The following BCL2L1 variants were observed in gnomAD, a reference collection of about 807,000 sequenced individuals.
BCL2L1 encodes bcl-2-like protein 1.
A neutral mutation model predicts 18.7 loss-of-function variants in BCL2L1; 1 was observed. The ratio of observed to expected loss-of-function variants is 0.05; its 90% CI spans 0.02 to 0.25. BCL2L1 has a LOEUF of 0.25. Ranked by LOEUF, BCL2L1 falls within the 10% of genes least tolerant of loss-of-function variation. The pLI is 1.00. For missense variants in BCL2L1, 207 were observed against 304.9 expected (o/e 0.68, Z 2.39); for synonymous variants, 103 against 122.7 (o/e 0.84, Z 1.06).
At chr20:31,686,524 AC>A (rs2060957830) in intron 2 of BCL2L1, 1 of 152,220 alleles carries the variant, frequency 6.6e-6, no homozygotes, top group Non-Finnish European at 1.5e-5. Flanking sequence ...GGGTTTCACC[AC>A]ATTTGCAAAG....
chr20:31,681,440 A>G (rs1002828400), intron 2 of BCL2L1, among the ~76,000 whole-genome samples: 1 of 152,152 alleles, frequency 6.6e-6, no homozygotes, highest in Non-Finnish European at 1.5e-5. Context: ...TTGAGTCCAA[A>G]AGTTTCAGAC....
intron 2 of BCL2L1, among the ~76,000 whole-genome samples, chr20:31,706,110 G>C (rs1039470682): frequency 6.6e-6 from 1 of 152,166 alleles, no homozygotes; most frequent in African/African-American, 2.4e-5. Flanking sequence ...AGAGTGGGTA[G>C]AACAAGAGGC....
intron 2 of BCL2L1, among the ~76,000 whole-genome samples, chr20:31,668,603 C>G (rs1338849313): frequency 7.9e-6 from 1 of 127,074 alleles, no homozygotes; most frequent in African/African-American, 3.0e-5. Flanking sequence ...CATATCTGGC[C>G]TTTTTTTTTT....
intron 2 of BCL2L1, among the ~76,000 whole-genome samples, chr20:31,668,692 C>T (rs940748416): frequency 2.6e-5 from 4 of 151,630 alleles, no homozygotes; most frequent in Admixed American, 2.6e-4. Flanking sequence ...GCAACCTCCG[C>T]CTCCCAGGTT....
intron 2 of BCL2L1, among the ~76,000 whole-genome samples, chr20:31,695,560 G>A (rs1033059204): frequency 1.2e-4 from 19 of 152,172 alleles, no homozygotes; most frequent in African/African-American, 3.6e-4. Context: ...TCAAACTCCT[G>A]GATTTAAGCC....
intron 2 of BCL2L1, among the ~76,000 whole-genome samples, chr20:31,707,744 C>A (rs1347520063): frequency 6.7e-6 from 1 of 148,598 alleles, no homozygotes; most frequent in East Asian, 2.0e-4. Flanking sequence ...CACCATTGCA[C>A]TCCAGCCTGG....
intron 2 of BCL2L1, among the ~76,000 whole-genome samples, chr20:31,668,707 C>T (rs569374669): frequency 1.7e-4 from 26 of 151,168 alleles, no homozygotes; most frequent in Non-Finnish European, 2.7e-4. Flanking sequence ...CAGGTTCAAG[C>T]GATTCTCCTG....
intron 2 of BCL2L1, among the ~76,000 whole-genome samples, chr20:31,670,109 CAGG>C (rs903695149): frequency 5.3e-5 from 8 of 152,222 alleles, no homozygotes; most frequent in Admixed American, 5.2e-4. Flanking sequence ...GATGGATTTC[CAGG>C]AGAAGGAATG....
intron 2 of BCL2L1, among the ~76,000 whole-genome samples, chr20:31,674,989 C>T (rs1001253443): frequency 6.6e-6 from 1 of 152,078 alleles, no homozygotes; most frequent in Non-Finnish European, 1.5e-5. Flanking sequence ...GTAAAGTAGC[C>T]TGAGGCCATC....
intron 2 of BCL2L1, among the ~76,000 whole-genome samples, chr20:31,682,358 G>A (rs1292675103): frequency 6.6e-6 from 1 of 152,170 alleles, no homozygotes; most frequent in East Asian, 1.9e-4. Context: ...TTTTAGAGCT[G>A]GAAGGCAGCA....
At chr20:31,720,250 T>G (rs1424529582) in intron 2 of BCL2L1, 1 of 718,136 alleles carries the variant, frequency 1.4e-6, no homozygotes, top group Non-Finnish European at 1.7e-6. Flanking sequence ...CAGGGCAAAC[T>G]CAGGAGGTCT....
At chr20:31,706,297 T>C (rs2061367619) in intron 2 of BCL2L1, among the ~76,000 whole-genome samples, 1 of 152,234 alleles carries the variant, frequency 6.6e-6, no homozygotes, top group African/African-American at 2.4e-5. Flanking sequence ...CTGAGTCATA[T>C]TCAGAGTCTG....
chr20:31,700,120 G>T (rs1295120228), intron 2 of BCL2L1, among the ~76,000 whole-genome samples: 3 of 152,172 alleles, frequency 2.0e-5, no homozygotes, highest in Non-Finnish European at 4.4e-5. Flanking sequence ...TCCCATTAAA[G>T]TAAGAGTTCT....
chr20:31,666,129 A>G (rs1442782284), intron 2 of BCL2L1, 43 bp from the exon 3 acceptor site: 7 of 1,609,460 alleles, frequency 4.3e-6, no homozygotes, highest in Non-Finnish European at 5.9e-6. Flanking sequence ...GTCCTCAGAG[A>G]GTGATGTAGG....
intron 2 of BCL2L1, among the ~76,000 whole-genome samples, chr20:31,705,641 G>T (rs531839835): frequency 1.3e-5 from 2 of 152,308 alleles, no homozygotes; most frequent in South Asian, 4.1e-4. Context: ...CAGAGGAGGG[G>T]GCCTCTCTTT....
Position 31,721,817 on chromosome 20 carries a change from C to T in BCL2L1, c.402G>A (p.Gly134=), listed in dbSNP as rs1201979387. The part of the protein sequence containing the change: ...EQVVNELFRD[G]VNWGRIVAFF... ...AGGCCACAATGCGACCCCAGTTTAC[C>T]CCATCCCGGAAGAGTTCATTCACTA... Residue 134 remains glycine, a synonymous_variant, in exon 2 of 3, where the codon GGG becomes GGA. Coordinates refer to ENST00000307677, the MANE Select transcript of BCL2L1 (RefSeq NM_138578.3). 5 of 1,614,062 alleles carry T rather than the reference C, an allele frequency of 3.1e-6. No individual in the cohort carries two copies. The highest frequency in any genetic ancestry group is 4.2e-6 in the Non-Finnish European group (5 of 1,180,050).
chr20:31,718,563 G>A (rs2061574676), intron 2 of BCL2L1, among the ~76,000 whole-genome samples: 1 of 151,644 alleles, frequency 6.6e-6, no homozygotes, highest in South Asian at 2.1e-4. Context: ...GCTGAGGCAG[G>A]AGAATCACTT....
intron 2 of BCL2L1, among the ~76,000 whole-genome samples, chr20:31,704,379 C>T (rs1189104324): frequency 6.6e-6 from 1 of 152,188 alleles, no homozygotes. Flanking sequence ...AGATTACAGG[C>T]ATGAGCCACC....
At chr20:31,705,770 G>A (rs532798843) in intron 2 of BCL2L1, among the ~76,000 whole-genome samples, 4 of 152,264 alleles carry the variant, frequency 2.6e-5, no homozygotes, top group Non-Finnish European at 5.9e-5. Flanking sequence ...ACCTACACTA[G>A]CACCACTAAA....
Sources: allele counts gnomAD v4.1 joint callset (sites outside exome capture counted in the v4.1 genomes callset), GRCh38; gene constraint gnomAD v4.1.1; transcripts MANE v1.5; gene names NCBI Gene and HGNC (gene_info 2026-07-23, HGNC 2026-07-21).